Variants in SPAG16 observed in about 807,000 individuals in gnomAD.
SPAG16 encodes the protein sperm associated antigen 16.
SPAG16 carries 86 observed loss-of-function variants against 80.4 expected under a neutral mutation model. The observed-to-expected ratio is 1.07, with a 90% CI of 0.90 to 1.28. The LOEUF (loss-of-function observed/expected upper bound fraction) is 1.28, where lower values mean the gene tolerates loss of function less well. Among genes scored for constraint, SPAG16 ranks in the 50% most tolerant of loss-of-function variants. The pLI, the probability that SPAG16 is intolerant of heterozygous loss-of-function variation, is 0.00. For synonymous variants in SPAG16, 294 were observed against 265.9 expected (o/e 1.11, Z -1.03); for missense variants, 870 against 765.3 (o/e 1.14, Z -1.61).
At chr2:213,699,187 AT>A (rs2065292941) in intron 10 of SPAG16, among the ~76,000 whole-genome samples, 1 of 150,958 alleles carries the variant, frequency 6.6e-6, no homozygotes, top group Admixed American at 6.6e-5. Flanking sequence ...TATTATTTTT[AT>A]TTTTCCCCCA....
At chr2:213,437,146 G>T (rs139336295) in intron 9 of SPAG16, among the ~76,000 whole-genome samples, 1 of 152,080 alleles carries the variant, frequency 6.6e-6, no homozygotes, top group Non-Finnish European at 1.5e-5. Context: ...TGATCTGCCC[G>T]TCTCAGCCTT....
At chr2:213,545,979 T>G (rs1379556609) in intron 10 of SPAG16, among the ~76,000 whole-genome samples, 2 of 152,134 alleles carry the variant, frequency 1.3e-5, no homozygotes, top group Non-Finnish European at 2.9e-5. Flanking sequence ...CACTACTCTT[T>G]TTTTAGAATG....
intron 15 of SPAG16, among the ~76,000 whole-genome samples, chr2:214,175,797 C>A (rs184148132): frequency 1.3e-5 from 2 of 151,574 alleles, no homozygotes; most frequent in Admixed American, 1.3e-4. Flanking sequence ...GTATAAAATT[C>A]TTCTTCCTTT....
intron 7 of SPAG16, among the ~76,000 whole-genome samples, chr2:213,355,301 G>T (rs924601284): frequency 3.9e-5 from 6 of 152,188 alleles, no homozygotes. Flanking sequence ...GTAGCCTGAT[G>T]CTTCCAGCTT....
chr2:214,374,678 G>A (rs559227439), intron 15 of SPAG16, among the ~76,000 whole-genome samples: 2 of 152,134 alleles, frequency 1.3e-5, no homozygotes, highest in African/African-American at 4.8e-5. Flanking sequence ...AATAATCAGG[G>A]ATCCCAAACA....
chr2:214,094,161 C>T (rs1027532777), intron 13 of SPAG16, among the ~76,000 whole-genome samples: 6 of 151,970 alleles, frequency 3.9e-5, no homozygotes, highest in Non-Finnish European at 7.4e-5. Flanking sequence ...AAATTGTCCA[C>T]GGAGGGAATA....
intron 15 of SPAG16, among the ~76,000 whole-genome samples, chr2:214,352,086 C>T (rs1698451735): frequency 6.6e-6 from 1 of 151,194 alleles, no homozygotes; most frequent in African/African-American, 2.4e-5. Context: ...CTGCCTTGCA[C>T]CTGTGTTCTA....
At chr2:214,177,973 A>G (rs1236060812) in intron 15 of SPAG16, among the ~76,000 whole-genome samples, 1,009 of 6,336 alleles carry the variant, frequency 0.16, 35 homozygotes, top group African/African-American at 0.33. Context: ...AAGTGTATGT[A>G]TATATATATA....
At chr2:213,436,033 A>G (rs1468687871) in intron 9 of SPAG16, among the ~76,000 whole-genome samples, 2 of 152,120 alleles carry the variant, frequency 1.3e-5, no homozygotes, top group Non-Finnish European at 2.9e-5. Context: ...TCATTAACTT[A>G]GATGACTGAG....
chr2:213,774,714 C>T (rs961493834), intron 10 of SPAG16, among the ~76,000 whole-genome samples: 3 of 152,138 alleles, frequency 2.0e-5, no homozygotes, highest in African/African-American at 7.2e-5. Context: ...ACACTTAACA[C>T]TGAAGTCAAT....
At chr2:213,467,734 T>C (rs1381860476) in intron 9 of SPAG16, among the ~76,000 whole-genome samples, 1 of 152,142 alleles carries the variant, frequency 6.6e-6, no homozygotes, top group Non-Finnish European at 1.5e-5. Flanking sequence ...GCTGGACCAT[T>C]TGTGAGTCTG....
chr2:213,786,456 T>C (rs981388488), intron 10 of SPAG16, among the ~76,000 whole-genome samples: 3 of 152,210 alleles, frequency 2.0e-5, no homozygotes, highest in African/African-American at 7.2e-5. Flanking sequence ...ACTAAATGGA[T>C]TTTAGCTAGC....
At chr2:213,648,615 C>T (rs2062912128) in intron 10 of SPAG16, among the ~76,000 whole-genome samples, 1 of 152,132 alleles carries the variant, frequency 6.6e-6, no homozygotes, top group Admixed American at 6.5e-5. Flanking sequence ...CACACACACA[C>T]ACACATTTAC....
chr2:213,763,098 G>A (rs1212060443), intron 10 of SPAG16, among the ~76,000 whole-genome samples: 1 of 152,102 alleles, frequency 6.6e-6, no homozygotes, highest in Non-Finnish European at 1.5e-5. Flanking sequence ...CCTCACACAT[G>A]TTAGGATGGC....
chr2:214,236,355 T>C (rs1559146694), intron 15 of SPAG16, among the ~76,000 whole-genome samples: 2 of 152,144 alleles, frequency 1.3e-5, no homozygotes, highest in Admixed American at 6.6e-5. Context: ...ATACAGTTTT[T>C]AAGGGTATAA....
At chr2:213,869,532 TA>T (rs1377499413) in intron 11 of SPAG16, among the ~76,000 whole-genome samples, 1 of 151,554 alleles carries the variant, frequency 6.6e-6, no homozygotes, top group South Asian at 2.1e-4. Flanking sequence ...TAAGTAATAA[TA>T]TTCAACTTTA....
intron 9 of SPAG16, among the ~76,000 whole-genome samples, chr2:213,443,404 A>T (rs1483778869): frequency 1.3e-5 from 2 of 152,124 alleles, no homozygotes; most frequent in Non-Finnish European, 2.9e-5. Flanking sequence ...ATACTTATGT[A>T]TGATGTTGTA....
chr2:213,573,983 T>C (rs1014341300), intron 10 of SPAG16, among the ~76,000 whole-genome samples: 1 of 152,218 alleles, frequency 6.6e-6, no homozygotes, highest in South Asian at 2.1e-4. Flanking sequence ...AGGTCTGAGA[T>C]TATATTAATA....
intron 9 of SPAG16, among the ~76,000 whole-genome samples, chr2:213,429,961 C>G (rs187168323): frequency 2.0e-5 from 3 of 152,254 alleles, no homozygotes; most frequent in Non-Finnish European, 4.4e-5. Context: ...TAAAGAAACA[C>G]AGTAATTCTC....
Sources: allele counts gnomAD v4.1 joint callset (sites outside exome capture counted in the v4.1 genomes callset), GRCh38; gene constraint gnomAD v4.1.1; transcripts MANE v1.5; gene names NCBI Gene and HGNC (gene_info 2026-07-23, HGNC 2026-07-21).